TRHDE: variants seen among roughly 807,000 people sequenced by gnomAD.
TRHDE encodes thyrotropin releasing hormone degrading enzyme.
A neutral mutation model predicts 125.7 loss-of-function variants in TRHDE; 72 were observed. The observed-to-expected ratio is 0.57, with a 90% CI of 0.47 to 0.70. TRHDE has a LOEUF of 0.70. Among genes scored for constraint, TRHDE ranks in the 30% least tolerant of loss-of-function variants. TRHDE has a pLI of 0.00. For missense variants in TRHDE, 1,110 were observed against 1,327.1 expected (o/e 0.84, Z 2.54); for synonymous variants, 509 against 509.1 (o/e 1.00, Z 0.00).
chr12:72,293,602 G>A (rs1880172838), intron 2 of TRHDE, among the ~76,000 whole-genome samples: 1 of 152,210 alleles, frequency 6.6e-6, no homozygotes, highest in African/African-American at 2.4e-5. Flanking sequence ...GCCCAAGAAA[G>A]AAAGTGACCA....
chr12:72,639,518 C>T (rs1001756037), intron 15 of TRHDE, among the ~76,000 whole-genome samples: 9 of 151,988 alleles, frequency 5.9e-5, no homozygotes, highest in African/African-American at 1.5e-4. Context: ...AGTCATTCTC[C>T]GTCCAGCTTT....
intron 3 of TRHDE, among the ~76,000 whole-genome samples, chr12:72,467,734 G>C (rs1349414464): frequency 6.6e-6 from 1 of 152,182 alleles, no homozygotes; most frequent in African/African-American, 2.4e-5. Context: ...AGAATCGCTT[G>C]AACCCGGGAG....
chr12:72,238,339 T>TTA (rs1252345327), intron 2 of TRHDE, among the ~76,000 whole-genome samples: 2,593 of 21,092 alleles, frequency 0.12, 456 homozygotes, highest in Middle Eastern at 0.31. Context: ...TATATACACA[T>TTA]TATATATATA....
chr12:72,245,243 ATGTGTGTG>A (rs370752757), intron 2 of TRHDE, among the ~76,000 whole-genome samples: 1 of 147,230 alleles, frequency 6.8e-6, no homozygotes, highest in Non-Finnish European at 1.5e-5. Flanking sequence ...GTTTGTGTGT[ATGTGTGTG>A]TGTGTGTGTG....
At chr12:72,536,039 A>G (rs1868840724) in intron 6 of TRHDE, among the ~76,000 whole-genome samples, 1 of 152,164 alleles carries the variant, frequency 6.6e-6, no homozygotes, top group South Asian at 2.1e-4. Context: ...ATGTCAACGG[A>G]AAGTAATGAT....
In TRHDE at chr12:72,609,190, G is replaced by A. The variant is rs576181406; in HGVS notation, c.2322-9701G>A. On this transcript the variant is annotated intron_variant, in intron 12 of 18. Coordinates refer to ENST00000261180, the MANE Select transcript of TRHDE (RefSeq NM_013381.3). ...CTCAGAGATTTTCCAAGAAACACATGTTTAGCTTAATAATTCTAATTTGGG... is the reference window on the plus strand; with the variant it reads ...CTCAGAGATTTTCCAAGAAACACATATTTAGCTTAATAATTCTAATTTGGG... Among the ~76,000 whole-genome samples the A allele has an allele frequency of 5.3e-5, 8 of 152,224 alleles. No homozygotes were observed. The East Asian group carries it at 7.7e-4, about 15-fold the overall frequency.
intron 2 of TRHDE, among the ~76,000 whole-genome samples, chr12:72,220,979 T>G (rs1471438113): frequency 6.6e-6 from 1 of 152,030 alleles, no homozygotes; most frequent in African/African-American, 2.4e-5. Context: ...TCTGAAATCT[T>G]TAGCCAATGA....
chr12:72,104,609 G>A (rs1875140950), intron 1 of TRHDE, among the ~76,000 whole-genome samples: 1 of 152,192 alleles, frequency 6.6e-6, no homozygotes, highest in African/African-American at 2.4e-5. Flanking sequence ...TCAGCAACGA[G>A]TCACTTACTT....
At chr12:72,091,581 G>A (rs1338856162) in intron 1 of TRHDE, among the ~76,000 whole-genome samples, 2 of 152,146 alleles carry the variant, frequency 1.3e-5, no homozygotes, top group African/African-American at 2.4e-5. Context: ...ACAAGGGTGT[G>A]CACGTGACCC....
chr12:72,621,567 A>T (rs1873052561), intron 14 of TRHDE, 77 bp from the exon 15 acceptor site: 5 of 1,074,658 alleles, frequency 4.7e-6, no homozygotes, highest in Non-Finnish European at 6.8e-6. Flanking sequence ...TTATGTTAAT[A>T]ATTTACTTAT....
intron 2 of TRHDE, among the ~76,000 whole-genome samples, chr12:72,129,397 A>G (rs185782691): frequency 6.6e-6 from 1 of 151,844 alleles, no homozygotes; most frequent in African/African-American, 2.4e-5. Context: ...AACTATAATT[A>G]GATATCCATT....
intron 6 of TRHDE, among the ~76,000 whole-genome samples, chr12:72,514,465 T>C (rs12424413): frequency 0.057 from 8,666 of 151,756 alleles, 312 homozygotes; most frequent in Admixed American, 0.12. Context: ...GACAGATAAG[T>C]TCATCACAGA....
intron 2 of TRHDE, among the ~76,000 whole-genome samples, chr12:72,308,490 A>G (rs1222848569): frequency 3.3e-5 from 5 of 152,116 alleles, no homozygotes; most frequent in South Asian, 2.1e-4. Flanking sequence ...AACAAGCATA[A>G]TAAAAGCTTG....
intron 2 of TRHDE, among the ~76,000 whole-genome samples, chr12:72,351,262 T>G (rs918368411): frequency 1.3e-5 from 2 of 151,966 alleles, no homozygotes; most frequent in African/African-American, 4.8e-5. Context: ...CAGGGTTAAA[T>G]GGGGTCATAT....
chr12:72,517,464 T>A (rs1257842441), intron 6 of TRHDE, among the ~76,000 whole-genome samples: 1 of 146,110 alleles, frequency 6.8e-6, no homozygotes, highest in Admixed American at 6.8e-5. Flanking sequence ...GATGGTAGTT[T>A]GTATTTCTGT....
intron 12 of TRHDE, among the ~76,000 whole-genome samples, chr12:72,597,583 G>A (rs1403051095): frequency 6.7e-6 from 1 of 148,522 alleles, no homozygotes; most frequent in African/African-American, 2.5e-5. Context: ...CGGGAGAATC[G>A]CTTGAACCTG....
At chr12:72,487,350 T>A (rs1357969154) in intron 5 of TRHDE, among the ~76,000 whole-genome samples, 1 of 151,928 alleles carries the variant, frequency 6.6e-6, no homozygotes, top group Non-Finnish European at 1.5e-5. Flanking sequence ...GATCATACTG[T>A]CAATAGTGAA....
intron 2 of TRHDE, among the ~76,000 whole-genome samples, chr12:72,173,311 G>A (rs981131269): frequency 2.0e-5 from 3 of 152,194 alleles, no homozygotes; most frequent in African/African-American, 4.8e-5. Context: ...AGAGGTTGCT[G>A]TGACCTGATA....
chr12:72,481,141 C>G (rs1475772670), intron 5 of TRHDE, among the ~76,000 whole-genome samples: 1 of 151,894 alleles, frequency 6.6e-6, no homozygotes, highest in African/African-American at 2.4e-5. Context: ...CTTAACCAGA[C>G]AGCTATATGT....
Sources: allele counts gnomAD v4.1 joint callset (sites outside exome capture counted in the v4.1 genomes callset), GRCh38; gene constraint gnomAD v4.1.1; transcripts MANE v1.5; gene names NCBI Gene and HGNC (gene_info 2026-07-23, HGNC 2026-07-21).